The following NCOA1 variants were observed in gnomAD, a reference collection of about 807,000 sequenced individuals.
The protein encoded by NCOA1 is nuclear receptor coactivator 1.
A neutral mutation model predicts 150.9 loss-of-function variants in NCOA1; 35 were observed. The observed-to-expected ratio is 0.23, with a 90% CI of 0.18 to 0.31. The LOEUF (loss-of-function observed/expected upper bound fraction) is 0.31. Ranked by LOEUF, NCOA1 falls within the 10% of genes least tolerant of loss-of-function variation. The pLI, the probability that NCOA1 is intolerant of heterozygous loss-of-function variation, is 1.00. For synonymous variants in NCOA1, 590 were observed against 630.0 expected, an observed-to-expected ratio of 0.94 and a Z score of 0.95; for missense variants, 1,491 against 1,749.3, an observed-to-expected ratio of 0.85 and a Z score of 2.63.
intron 3 of NCOA1, among the ~76,000 whole-genome samples, chr2:24,612,984 C>T (rs1008345903): frequency 4.6e-5 from 7 of 152,158 alleles, no homozygotes; most frequent in African/African-American, 1.7e-4. Flanking sequence ...AATTCTTGCA[C>T]TGGTTCCTTC....
At chr2:24,745,161 T>TC (rs1289958783) in intron 19 of NCOA1, among the ~76,000 whole-genome samples, 2 of 149,338 alleles carry the variant, frequency 1.3e-5, no homozygotes, top group East Asian at 3.9e-4. Flanking sequence ...TTTTTTCTTT[T>TC]TTTTTTTTTT....
chr2:24,593,988 T>C (rs1050643753), intron 3 of NCOA1, among the ~76,000 whole-genome samples: 1 of 152,168 alleles, frequency 6.6e-6, no homozygotes, highest in African/African-American at 2.4e-5. Flanking sequence ...ATCCAGAAGA[T>C]AAATTGTAAT....
intron 3 of NCOA1, among the ~76,000 whole-genome samples, chr2:24,591,526 T>A (rs1667657099): frequency 6.6e-6 from 1 of 152,198 alleles, no homozygotes; most frequent in South Asian, 2.1e-4. Context: ...TTATTACTAT[T>A]TGGAATATCT....
chr2:24,537,923 A>C (rs956419684), intron 1 of NCOA1, among the ~76,000 whole-genome samples: 1 of 152,214 alleles, frequency 6.6e-6, no homozygotes, highest in Non-Finnish European at 1.5e-5. Flanking sequence ...GTATCTGCTA[A>C]CTTTTTGTGT....
At chr2:24,742,581 C>T (rs1407377026) in intron 19 of NCOA1, among the ~76,000 whole-genome samples, 1 of 151,678 alleles carries the variant, frequency 6.6e-6, no homozygotes, top group East Asian at 1.9e-4. Flanking sequence ...CTCAGCCTCC[C>T]GAGTAGCTAG....
At chr2:24,588,817 G>A (rs1309072373) in intron 3 of NCOA1, among the ~76,000 whole-genome samples, 1 of 152,200 alleles carries the variant, frequency 6.6e-6, no homozygotes, top group Non-Finnish European at 1.5e-5. Context: ...AGGTATTTCT[G>A]TTGAATTCTC....
Position 24,706,760 on chromosome 2 carries a change from T to C in NCOA1, c.1290T>C (p.Ser430=), listed in dbSNP as rs1673457981. The C allele has an allele frequency of 1.9e-6, 3 of 1,614,030 alleles. No homozygotes were observed. Among genetic ancestry groups the C allele is most frequent in the Non-Finnish European group, 2.5e-6 (3 of 1,180,024 alleles). ...RQQSSDLHSS[S]HSNSSNSQGS... ...AGAGCTCAGACCTTCATAGCAGCAG[T>C]CATAGTAATTCTAGCAACAGCCAAG... The change falls in exon 13 of 23, where the codon AGT becomes AGC. Residue 430 remains serine (S), a synonymous_variant. Transcript: ENST00000348332.
At chr2:24,766,124 T>C (rs1172034811) in intron 22 of NCOA1, among the ~76,000 whole-genome samples, 1 of 152,134 alleles carries the variant, frequency 6.6e-6, no homozygotes, top group East Asian at 1.9e-4. Context: ...GGTCTCAAAC[T>C]TCTAGCATCA....
Position 24,676,207 on chromosome 2 carries a change from G to A in NCOA1, c.354+2744G>A, listed in dbSNP as rs553529452. The A allele has an allele frequency of 6.1e-4, 95 of 154,590 alleles. 2 individuals carry two copies. In the South Asian group the frequency reaches 0.015, roughly 25 times the overall value. The allele number at this position is 154,590 out of a possible 1,614,324, so 9.6% of individuals were successfully genotyped here. On this transcript the variant is annotated intron_variant, in intron 7 of 22. Transcript: ENST00000348332. Reference sequence around the variant, plus strand: ...TGGGATAGTTCCTTTTGTACTATCCGTCCCAGATTTGTTGCCATAATCATA... The same window carrying A: ...TGGGATAGTTCCTTTTGTACTATCCATCCCAGATTTGTTGCCATAATCATA...
chr2:24,579,937 A>C (rs1667133161), intron 2 of NCOA1, among the ~76,000 whole-genome samples: 2 of 152,226 alleles, frequency 1.3e-5, no homozygotes, highest in Non-Finnish European at 2.9e-5. Flanking sequence ...ATGGTTTTTA[A>C]TGATACAGTG....
intron 3 of NCOA1, among the ~76,000 whole-genome samples, chr2:24,614,131 T>C (rs912478105): frequency 2.0e-5 from 3 of 148,774 alleles, no homozygotes; most frequent in African/African-American, 7.4e-5. Context: ...AGGATTCATA[T>C]ATGCCCCAGG....
intron 3 of NCOA1, among the ~76,000 whole-genome samples, chr2:24,634,023 A>G (rs1430124455): frequency 6.6e-6 from 1 of 152,232 alleles, no homozygotes; most frequent in African/African-American, 2.4e-5. Flanking sequence ...CAACATGGAT[A>G]GAACTCCAAA....
chr2:24,522,399 C>G (rs1343256436), intron 1 of NCOA1, among the ~76,000 whole-genome samples: 1 of 152,138 alleles, frequency 6.6e-6, no homozygotes, highest in African/African-American at 2.4e-5. Context: ...GCTTTGTGTG[C>G]CAGCCTCATA....
intron 1 of NCOA1, among the ~76,000 whole-genome samples, chr2:24,560,149 T>G (rs182878669): frequency 1.7e-4 from 26 of 152,288 alleles, no homozygotes; most frequent in African/African-American, 6.0e-4. Context: ...AGAACTTTCC[T>G]TATGTCTGGG....
intron 22 of NCOA1, among the ~76,000 whole-genome samples, chr2:24,766,917 A>G (rs1665094699): frequency 1.3e-5 from 2 of 152,158 alleles, no homozygotes; most frequent in African/African-American, 2.4e-5. Flanking sequence ...TATAGGAGCT[A>G]GAAGCCACAT....
At chr2:24,517,031 C>G (rs1199278026) in intron 1 of NCOA1, among the ~76,000 whole-genome samples, 1 of 70,376 alleles carries the variant, frequency 1.4e-5, no homozygotes, top group African/African-American at 3.6e-5. Flanking sequence ...CACACACACC[C>G]CATTTTGTTT....
intron 1 of NCOA1, among the ~76,000 whole-genome samples, chr2:24,537,420 A>G (rs1454464962): frequency 6.6e-6 from 1 of 152,002 alleles, no homozygotes; most frequent in Non-Finnish European, 1.5e-5. Context: ...GATTATATAT[A>G]TATGTGTGTG....
intron 2 of NCOA1, among the ~76,000 whole-genome samples, chr2:24,569,991 G>A (rs778638054): frequency 2.0e-5 from 3 of 150,890 alleles, no homozygotes; most frequent in Non-Finnish European, 2.9e-5. Context: ...AGTAGATTAG[G>A]AGTCCTTTTT....
chr2:24,629,731 A>T (rs2148427946), intron 3 of NCOA1, among the ~76,000 whole-genome samples: 1 of 145,564 alleles, frequency 6.9e-6, no homozygotes. Flanking sequence ...AATTAAATTA[A>T]ATTTAGTTGG....
Sources: gnomAD v4.1 joint callset for allele counts (sites outside exome capture counted in the v4.1 genomes callset) on GRCh38, gnomAD v4.1.1 for gene constraint, MANE v1.5 for transcripts, NCBI Gene and HGNC (gene_info 2026-07-23, HGNC 2026-07-21) for gene names.